PHKB: variants seen among roughly 807,000 people sequenced by gnomAD.
The protein encoded by PHKB is phosphorylase kinase regulatory subunit beta, also known as phosphorylase b kinase regulatory subunit beta.
PHKB carries 122 observed loss-of-function variants against 152.1 expected under a neutral mutation model. That is an observed-to-expected ratio of 0.80 (90% CI 0.69 to 0.93). PHKB has a LOEUF of 0.93. Among genes scored for constraint, PHKB ranks in the 40% least tolerant of loss-of-function variants. The pLI, the probability that PHKB is intolerant of heterozygous loss-of-function variation, is 0.00. For synonymous variants in PHKB, 436 were observed against 464.9 expected, an observed-to-expected ratio of 0.94 and a Z score of 0.80; for missense variants, 1,304 against 1,328.4, an observed-to-expected ratio of 0.98 and a Z score of 0.29.
chr16:47,580,520 T>G (rs1014770978), intron 8 of PHKB, among the ~76,000 whole-genome samples, 162 bp downstream of exon 8: 4 of 151,262 alleles, frequency 2.6e-5, no homozygotes. Context: ...GCCAGTTAAA[T>G]TTTAGTTTTC....
intron 20 of PHKB, 107 bp downstream of exon 20, chr16:47,651,028 A>G (rs1973228652): frequency 1.2e-6 from 1 of 810,538 alleles, no homozygotes; most frequent in African/African-American, 1.7e-5. Flanking sequence ...TTAAGGTTTT[A>G]TTCTCCACCT....
At chr16:47,551,656 A>C (rs765067203) in intron 7 of PHKB, among the ~76,000 whole-genome samples, 5 of 152,172 alleles carry the variant, frequency 3.3e-5, no homozygotes, top group African/African-American at 4.8e-5. Context: ...TTTTAGAATA[A>C]GTGCGATGTG....
chr16:47,525,778 G>A (rs1450141541), intron 6 of PHKB, among the ~76,000 whole-genome samples: 1 of 152,198 alleles, frequency 6.6e-6, no homozygotes, highest in African/African-American at 2.4e-5. Flanking sequence ...ATTTATAGCT[G>A]TGAATGAAAG....
At chr16:47,664,551 A>G (rs1279888224) in intron 24 of PHKB, among the ~76,000 whole-genome samples, 1 of 152,194 alleles carries the variant, frequency 6.6e-6, no homozygotes, top group Non-Finnish European at 1.5e-5. Context: ...TTCTATTTTT[A>G]TAATAAATAT....
intron 14 of PHKB, among the ~76,000 whole-genome samples, chr16:47,624,082 A>G (rs1026269433): frequency 5.3e-5 from 8 of 152,222 alleles, no homozygotes. Flanking sequence ...AATAATTTTC[A>G]TAAACTTTAC....
chr16:47,650,893 G>C lies in PHKB; in HGVS notation c.1943G>C (p.Gly648Ala), dbSNP rs1973225781. 3 of 1,613,540 alleles carry C rather than the reference G, an allele frequency of 1.9e-6. No homozygotes were observed. Among genetic ancestry groups the C allele is most frequent in the Non-Finnish European group, 8.5e-7 (1 of 1,179,522 alleles). Reference protein sequence around the residue: ...LAALKKGIIGGVKVHVDRLQT... With the variant: ...LAALKKGIIGAVKVHVDRLQT... ...GCCCTTAAAAAAGGAATAATTGGAGGAGTCAAAGTTCATGTGGATCGTCTA... is the reference window on the plus strand; with the variant it reads ...GCCCTTAAAAAAGGAATAATTGGAGCAGTCAAAGTTCATGTGGATCGTCTA... Residue 648 changes from glycine (G) to alanine (A), a missense_variant, in exon 20 of 31, where the codon GGA (glycine) becomes GCA (alanine). Transcript: ENST00000323584.
intron 2 of PHKB, among the ~76,000 whole-genome samples, chr16:47,498,844 G>A (rs922931759): frequency 6.6e-6 from 1 of 152,178 alleles, no homozygotes; most frequent in African/African-American, 2.4e-5. Context: ...AGAGGCTGCA[G>A]TGAGCTTATG....
chr16:47,597,669 T>C (rs1972144484), intron 13 of PHKB: 1 of 150,332 alleles, frequency 6.7e-6, no homozygotes, highest in Admixed American at 6.6e-5. Flanking sequence ...GTTTTCTTTT[T>C]TCTTTTTTCT....
chr16:47,642,705 A>G (rs1384974072), intron 16 of PHKB, among the ~76,000 whole-genome samples: 1 of 152,176 alleles, frequency 6.6e-6, no homozygotes, highest in African/African-American at 2.4e-5. Context: ...GGATCTTGAC[A>G]TTAGGCAACA....
At chr16:47,484,010 G>C (rs1021542987) in intron 1 of PHKB, among the ~76,000 whole-genome samples, 1 of 152,130 alleles carries the variant, frequency 6.6e-6, no homozygotes, top group African/African-American at 2.4e-5. Flanking sequence ...TTTATAGAAA[G>C]ATTAGAATTG....
At chr16:47,528,531 T>A (rs1167189824) in intron 6 of PHKB, among the ~76,000 whole-genome samples, 2 of 151,944 alleles carry the variant, frequency 1.3e-5, no homozygotes, top group African/African-American at 4.8e-5. Context: ...TATGAATAAA[T>A]CAAATTTTAA....
intron 6 of PHKB, among the ~76,000 whole-genome samples, chr16:47,538,315 A>G (rs1477014304): frequency 6.6e-6 from 1 of 152,250 alleles, no homozygotes; most frequent in Admixed American, 6.5e-5. Context: ...GGTTGTTTAC[A>G]CAGGAAGGTT....
chr16:47,461,426 G>A lies in PHKB; in HGVS notation c.76G>A (p.Gly26Ser). ...LERRARTKRSGSVYEPLKSIN... is the reference protein window; with the variant it reads ...LERRARTKRSSSVYEPLKSIN... Reference sequence around the variant, plus strand: ...GCGAAGAGCTCGGACCAAGCGCTCAGGTTTGGCTGGCTGGGGCGCCGCCCC... The same window carrying A: ...GCGAAGAGCTCGGACCAAGCGCTCAAGTTTGGCTGGCTGGGGCGCCGCCCC... Residue 26 changes from glycine to serine, a missense_variant and splice_region_variant, in exon 1 of 31, where the codon GGC becomes AGC. Coordinates refer to ENST00000323584, the MANE Select transcript of PHKB (RefSeq NM_000293.3). The A allele has an allele frequency of 6.2e-7, 1 of 1,613,242 alleles. No individual in the cohort carries two copies. The highest frequency in any genetic ancestry group is 1.1e-5 in the South Asian group (1 of 91,052).
intron 6 of PHKB, among the ~76,000 whole-genome samples, chr16:47,516,621 C>G (rs774514780): frequency 2.6e-5 from 4 of 152,134 alleles, no homozygotes; most frequent in Non-Finnish European, 4.4e-5. Flanking sequence ...ATCAGACACT[C>G]AACACCAAAA....
At chr16:47,665,681 T>C in intron 25 of PHKB, 1 of 543,576 alleles carries the variant, frequency 1.8e-6, no homozygotes, top group Non-Finnish European at 3.3e-6. Context: ...TTTTTGCTTT[T>C]TATATCAATA....
At chr16:47,507,433 G>A (rs1016332044) in intron 4 of PHKB, among the ~76,000 whole-genome samples, 2 of 152,056 alleles carry the variant, frequency 1.3e-5, no homozygotes, top group African/African-American at 2.4e-5. Context: ...CTTTATAATG[G>A]CATTTCTTAC....
At chr16:47,636,763 G>T (rs993869013) in intron 14 of PHKB, among the ~76,000 whole-genome samples, 1 of 152,198 alleles carries the variant, frequency 6.6e-6, no homozygotes, top group African/African-American at 2.4e-5. Flanking sequence ...GGCACAAACA[G>T]CCTGGGCACC....
chr16:47,472,061 A>C (rs1432798652), intron 1 of PHKB, among the ~76,000 whole-genome samples: 3 of 152,220 alleles, frequency 2.0e-5, no homozygotes. Flanking sequence ...GTCTCAAAAA[A>C]TAAAAAGTAT....
chr16:47,470,850 A>T (rs1253506361), intron 1 of PHKB, among the ~76,000 whole-genome samples: 1 of 152,196 alleles, frequency 6.6e-6, no homozygotes, highest in African/African-American at 2.4e-5. Context: ...GTAATAAATA[A>T]TAGTGGTTGA....
Sources: allele counts gnomAD v4.1 joint callset (sites outside exome capture counted in the v4.1 genomes callset), GRCh38; gene constraint gnomAD v4.1.1; transcripts MANE v1.5; gene names NCBI Gene and HGNC (gene_info 2026-07-23, HGNC 2026-07-21).